Variants in TP53I11 observed in about 807,000 individuals in gnomAD.
The protein encoded by TP53I11 is tumor protein p53 inducible protein 11.
In TP53I11, 9 loss-of-function variants were observed where a neutral mutation model predicts 23.3. The observed-to-expected ratio is 0.39, with a 90% CI of 0.23 to 0.67. TP53I11 has a LOEUF of 0.67. Among genes scored for constraint, TP53I11 ranks in the 30% least tolerant of loss-of-function variants. The pLI, the probability that TP53I11 is intolerant of heterozygous loss-of-function variation, is 0.48. For synonymous variants in TP53I11, 100 were observed against 106.1 expected (o/e 0.94, Z 0.35); for missense variants, 170 against 255.2 (o/e 0.67, Z 2.27).
intron 1 of TP53I11, chr11:44,940,819 A>T (rs567832810): frequency 5.9e-5 from 9 of 152,316 alleles, no homozygotes; most frequent in African/African-American, 2.2e-4. Flanking sequence ...AGAAAGCATC[A>T]AACTGTTTCC....
At chr11:44,935,105 C>G in intron 6 of TP53I11, 88 bp from the exon 7 acceptor site, 1 of 1,576,668 alleles carries the variant, frequency 6.3e-7, no homozygotes, top group Non-Finnish European at 8.6e-7. Flanking sequence ...CTGGTGTGGC[C>G]GTCTCCCTGA....
chr11:44,948,338 T>A (rs1862588714), intron 1 of TP53I11, among the ~76,000 whole-genome samples: 1 of 152,158 alleles, frequency 6.6e-6, no homozygotes, highest in Non-Finnish European at 1.5e-5. Flanking sequence ...CCCTGCTAGC[T>A]GCAGGGTAGG....
Position 44,935,029 on chromosome 11 carries a change from A to G in TP53I11, c.437-12T>C, listed in dbSNP as rs1283154163. On this transcript the variant is annotated splice_polypyrimidine_tract_variant and intron_variant, in intron 6 of 6. Transcript: ENST00000525680. ...CGTGGCAGTGACCACTGTGGGAGAG[A>G]GTCCAGCAAGGCCACAGGGTCAGAG... The G allele has an allele frequency of 6.8e-6, 11 of 1,612,934 alleles. No individual in the cohort carries two copies. The highest frequency in any genetic ancestry group is 1.3e-5 in the African/African-American group (1 of 74,930).
At chr11:44,935,456 CACAG>C in intron 6 of TP53I11, 101 bp downstream of exon 6, 1 of 1,046,068 alleles carries the variant, frequency 9.6e-7, no homozygotes, top group Non-Finnish European at 1.5e-6. Context: ...CCTAGCCCCC[CACAG>C]ACAGGTTTTC....
At chr11:44,947,093 C>G in intron 1 of TP53I11, 1 of 456,334 alleles carries the variant, frequency 2.2e-6, no homozygotes, top group South Asian at 1.5e-5. Flanking sequence ...AGGAGGCATT[C>G]CTGGGCTCCT....
chr11:44,937,044 C>G (rs1404757086), intron 4 of TP53I11, 145 bp from the exon 5 acceptor site: 1 of 733,922 alleles, frequency 1.4e-6, no homozygotes, highest in East Asian at 2.8e-5. Context: ...CCAATTGTCC[C>G]CACCCGCCCC....
rs182703830 is a variant in TP53I11, at chr11:44,945,591, C to T, written c.-32+5086G>A. Among the ~76,000 whole-genome samples, 4 of 152,234 alleles carry T rather than the reference C, an allele frequency of 2.6e-5. No homozygotes were observed. The East Asian group carries it at 7.7e-4, about 29-fold the overall frequency. ...CTGGTGGTCGCCAGCATCTGGACTC[C>T]TCTCTGGGGTCCAGCCTCCCTTGGG... On this transcript the variant is annotated intron_variant, in intron 1 of 6. Coordinates refer to ENST00000525680, the MANE Select transcript of TP53I11 (RefSeq NM_006034.5).
rs1279432486 is a variant in TP53I11, at chr11:44,933,263, T to A, written c.*1621A>T. 6.6e-6 allele frequency: 1 copy of A among 152,358 alleles called. No homozygotes were observed. The highest frequency in any genetic ancestry group is 1.5e-5 in the Non-Finnish European group (1 of 68,158). 9.4% of individuals were successfully genotyped at this position (152,358 alleles called of 1,614,324 possible). A position where few individuals can be genotyped will look rare whatever the true frequency, so the allele number is the denominator to read the frequency against. ...GCTGGGTACAGGCCATGTTGCTGTA[T>A]CTGGGTGCAGGGACAGCCAGGCACA... On this transcript the variant is annotated 3_prime_UTR_variant, in exon 7 of 7. Transcript: ENST00000525680.
chr11:44,941,810 C>A (rs530218537), intron 1 of TP53I11, among the ~76,000 whole-genome samples: 1 of 152,252 alleles, frequency 6.6e-6, no homozygotes, highest in South Asian at 2.1e-4. Context: ...AGATCTCAGT[C>A]CCCGGGCACA....
chr11:44,937,061 A>G (rs1203456037), intron 4 of TP53I11, 162 bp from the exon 5 acceptor site: 12 of 728,516 alleles, frequency 1.6e-5, no homozygotes, highest in Non-Finnish European at 2.7e-5. Context: ...CCCCCATGCC[A>G]GGACAGAAAA....
chr11:44,942,266 C>T (rs1220630257), intron 1 of TP53I11, among the ~76,000 whole-genome samples: 1 of 142,858 alleles, frequency 7.0e-6, no homozygotes, highest in Non-Finnish European at 1.5e-5. Context: ...CTACACACAC[C>T]CACCACACAC....
Position 44,936,047 on chromosome 11 carries a change from T to C in TP53I11, c.335-385A>G, listed in dbSNP as rs573224348. ...TTAATGGGTTACCTGGTCCTATGATTGGGTTTTCTTTTACACGGACTCCCA... is the reference window on the plus strand; with the variant it reads ...TTAATGGGTTACCTGGTCCTATGATCGGGTTTTCTTTTACACGGACTCCCA... On this transcript the variant is annotated intron_variant, in intron 5 of 6. Transcript: ENST00000525680. This position sits in a 1 kb window ranked among gnomAD's most constrained non-coding sequence, Gnocchi z 4.4. 1.3e-4 allele frequency: 36 copies of C among 268,200 alleles called. No individual in the cohort carries two copies. The South Asian group carries it at 2.8e-3, about 21-fold the overall frequency. 16.6% of individuals were successfully genotyped at this position (268,200 alleles called of 1,614,324 possible).
chr11:44,946,441 C>A (rs1040824000), intron 1 of TP53I11, among the ~76,000 whole-genome samples: 1 of 152,244 alleles, frequency 6.6e-6, no homozygotes, highest in African/African-American at 2.4e-5. Context: ...TCTTCCTCAT[C>A]ATCTCAGCAT....
At chr11:44,937,385 C>T (rs746296442) in intron 3 of TP53I11, 33 bp from the exon 4 acceptor site, 3 of 1,475,702 alleles carry the variant, frequency 2.0e-6, no homozygotes, top group Admixed American at 5.0e-5. Context: ...CACAGCCCTG[C>T]CCCAGGGGAC....
chr11:44,935,483 A>G lies in TP53I11; in HGVS notation c.436+78T>C, dbSNP rs575576961. ...CAGACAGGTTTTCATCACTTCCCAC[A>G]CACCCAGGTGGCTAGAGCAGGCAGG... On this transcript the variant is annotated intron_variant, in intron 6 of 6. Transcript: ENST00000525680. 1.1e-5 allele frequency: 15 copies of G among 1,343,752 alleles called. No individual in the cohort carries two copies. In the African/African-American group the frequency reaches 2.2e-4, roughly 19 times the overall value. The allele number at this position is 1,343,752 out of a possible 1,614,324, so 83.2% of individuals were successfully genotyped here. A position where few individuals can be genotyped will look rare whatever the true frequency, so the allele number is the denominator to read the frequency against.
At chr11:44,937,147 G>A in intron 4 of TP53I11, 157 bp downstream of exon 4, 1 of 920,606 alleles carries the variant, frequency 1.1e-6, no homozygotes, top group South Asian at 1.4e-5. Context: ...GCACAGGCGT[G>A]GCAGTGTAGG....
chr11:44,933,404 CTG>C lies in TP53I11; in HGVS notation c.*1478_*1479del, dbSNP rs1258512313. 6.6e-6 allele frequency: 1 copy of C among 152,544 alleles called. No homozygotes were observed. Among genetic ancestry groups the C allele is most frequent in the Non-Finnish European group, 1.5e-5 (1 of 68,298 alleles). 9.4% of individuals were successfully genotyped at this position (152,544 alleles called of 1,614,324 possible). A position where few individuals can be genotyped will look rare whatever the true frequency, so the allele number is the denominator to read the frequency against. On this transcript the variant is annotated 3_prime_UTR_variant, in exon 7 of 7. Transcript: ENST00000525680. ...CTCTATGCCAGGATGGGAAGCGAGT[CTG>C]AGGCCTGGGGCTGCTTTTCTCCCTA...
At chr11:44,948,010 G>A (rs756741336) in intron 1 of TP53I11, among the ~76,000 whole-genome samples, 5 of 152,176 alleles carry the variant, frequency 3.3e-5, no homozygotes, top group Non-Finnish European at 5.9e-5. Flanking sequence ...GGTCAGAGTT[G>A]GGTGCTCAGA....
chr11:44,946,240 T>C (rs539970338), intron 1 of TP53I11, among the ~76,000 whole-genome samples: 1 of 152,232 alleles, frequency 6.6e-6, no homozygotes, highest in East Asian at 1.9e-4. Context: ...GGTGCAGGTT[T>C]CATCGGAGGC....
Sources: allele counts gnomAD v4.1 joint callset (sites outside exome capture counted in the v4.1 genomes callset), GRCh38; gene constraint gnomAD v4.1.1; non-coding constraint Gnocchi (gnomAD v3.1); transcripts MANE v1.5; gene names NCBI Gene and HGNC (gene_info 2026-07-23, HGNC 2026-07-21).